The following TMEM132D variants were observed in gnomAD, a reference collection of about 807,000 sequenced individuals.
TMEM132D encodes the protein transmembrane protein 132D, also known as mature OL transmembrane protein.
A neutral mutation model predicts 62.3 loss-of-function variants in TMEM132D; 21 were observed. The ratio of observed to expected loss-of-function variants is 0.34; its 90% CI spans 0.24 to 0.49. The LOEUF is 0.49. Ranked by LOEUF, TMEM132D falls within the 20% of genes least tolerant of loss-of-function variation. The probability of loss-of-function intolerance (pLI) is 0.99; values close to 1 mark genes in which losing one functional copy is unlikely to be tolerated. For synonymous variants in TMEM132D, 621 were observed against 575.6 expected, an observed-to-expected ratio of 1.08 and a Z score of -1.13; for missense variants, 1,346 against 1,402.8, an observed-to-expected ratio of 0.96 and a Z score of 0.65.
At chr12:129,603,868 A>C (rs1329834508) in intron 2 of TMEM132D, among the ~76,000 whole-genome samples, 1 of 152,206 alleles carries the variant, frequency 6.6e-6, no homozygotes. Context: ...ACACATGCAC[A>C]CATATATTTA....
intron 5 of TMEM132D, among the ~76,000 whole-genome samples, chr12:129,200,642 C>T (rs1878677539): frequency 1.3e-5 from 2 of 152,202 alleles, no homozygotes; most frequent in African/African-American, 4.8e-5. Context: ...AAACTGCCTC[C>T]TGGGGGCTGT....
At chr12:129,560,273 T>TC (rs1185726082) in intron 2 of TMEM132D, among the ~76,000 whole-genome samples, 1 of 139,602 alleles carries the variant, frequency 7.2e-6, no homozygotes, top group Non-Finnish European at 1.6e-5. Context: ...TTGTTTTCTT[T>TC]TTTTTTTTTT....
At chr12:129,441,188 A>C (rs150351036) in intron 3 of TMEM132D, among the ~76,000 whole-genome samples, 1 of 152,224 alleles carries the variant, frequency 6.6e-6, no homozygotes, top group African/African-American at 2.4e-5. Context: ...AAAAACTTCC[A>C]AACAACCTCT....
At chr12:129,394,688 C>T (rs540844974) in intron 3 of TMEM132D, among the ~76,000 whole-genome samples, 49 of 152,324 alleles carry the variant, frequency 3.2e-4, no homozygotes, top group Admixed American at 3.1e-3. Flanking sequence ...ACAATGCCCA[C>T]AAATGAAATT....
chr12:129,426,388 A>G lies in TMEM132D; in HGVS notation c.1116-88571T>C, dbSNP rs573665749. ...CACACCTAGGAGCAAGGAGGCTCAG[A>G]AATAAATCAGTTTAAATGCCTATTA... On this transcript the variant is annotated intron_variant, in intron 3 of 8. Transcript: ENST00000422113. Among the ~76,000 whole-genome samples the G allele has an allele frequency of 2.5e-4, 38 of 152,354 alleles. No homozygotes were observed. The South Asian group carries it at 4.3e-3, about 17-fold the overall frequency.
chr12:129,365,922 T>C (rs1232449146), intron 3 of TMEM132D, among the ~76,000 whole-genome samples: 1 of 152,008 alleles, frequency 6.6e-6, no homozygotes, highest in East Asian at 1.9e-4. Context: ...CCCCCTGCAA[T>C]GTCCACCCAG....
intron 2 of TMEM132D, among the ~76,000 whole-genome samples, chr12:129,593,377 C>A (rs1543046): frequency 0.63 from 95,992 of 151,998 alleles, 32,741 homozygotes; most frequent in East Asian, 0.99. Flanking sequence ...TTGTACTATA[C>A]AAATTCTATT....
At chr12:129,293,628 G>T (rs1200961741) in intron 4 of TMEM132D, among the ~76,000 whole-genome samples, 6 of 152,154 alleles carry the variant, frequency 3.9e-5, no homozygotes, top group Admixed American at 2.0e-4. Flanking sequence ...GTCCCATCTG[G>T]GGGTGATGGA....
chr12:129,603,323 T>C (rs1438758672), intron 2 of TMEM132D, among the ~76,000 whole-genome samples: 2 of 152,216 alleles, frequency 1.3e-5, no homozygotes, highest in Non-Finnish European at 2.9e-5. Flanking sequence ...ACCCAATTCC[T>C]GGAAACCACT....
At chr12:129,467,373 C>T (rs539038100) in intron 3 of TMEM132D, among the ~76,000 whole-genome samples, 1 of 152,134 alleles carries the variant, frequency 6.6e-6, no homozygotes, top group Non-Finnish European at 1.5e-5. Flanking sequence ...TAAGAGAAAC[C>T]AGTTCCAGGT....
intron 2 of TMEM132D, among the ~76,000 whole-genome samples, chr12:129,531,673 G>A (rs962460489): frequency 2.0e-5 from 3 of 152,154 alleles, no homozygotes; most frequent in Admixed American, 6.5e-5. Flanking sequence ...TCCTAGCAAG[G>A]TTCCAAGCCC....
At chr12:129,828,756 A>G (rs1329623287) in intron 1 of TMEM132D, among the ~76,000 whole-genome samples, 4 of 7,422 alleles carry the variant, frequency 5.4e-4, no homozygotes, top group Non-Finnish European at 1.4e-3. Context: ...GGGAGGGAGG[A>G]AAGGAGGGAG....
intron 2 of TMEM132D, among the ~76,000 whole-genome samples, chr12:129,595,485 C>A (rs992790596): frequency 1.3e-5 from 2 of 152,234 alleles, no homozygotes; most frequent in Non-Finnish European, 2.9e-5. Context: ...TCAGTACCCA[C>A]AACCCTTGCT....
chr12:129,845,745 T>C (rs898292677), intron 1 of TMEM132D, among the ~76,000 whole-genome samples: 3 of 152,176 alleles, frequency 2.0e-5, no homozygotes, highest in African/African-American at 7.2e-5. Context: ...GGAGGGTTCT[T>C]GGCATTGCCC....
chr12:129,496,120 C>T (rs1281548406), intron 3 of TMEM132D, among the ~76,000 whole-genome samples: 4 of 152,040 alleles, frequency 2.6e-5, no homozygotes, highest in Non-Finnish European at 4.4e-5. Context: ...AGTGGAGTAC[C>T]GGATGTAACA....
At chr12:129,404,066 G>A (rs1871698610) in intron 3 of TMEM132D, among the ~76,000 whole-genome samples, 1 of 152,114 alleles carries the variant, frequency 6.6e-6, no homozygotes, top group Admixed American at 6.6e-5. Context: ...AGAAAGACTT[G>A]AGGTTTTACT....
At chr12:129,576,904 C>T (rs945944029) in intron 2 of TMEM132D, among the ~76,000 whole-genome samples, 3 of 151,840 alleles carry the variant, frequency 2.0e-5, no homozygotes, top group African/African-American at 4.9e-5. Context: ...CAGTATTTAT[C>T]GATACTGTAC....
chr12:129,120,429 T>C lies in TMEM132D; in HGVS notation c.1444-35727A>G, dbSNP rs562128472. Among the ~76,000 whole-genome samples the C allele has an allele frequency of 3.9e-5, 6 of 152,270 alleles. No individual in the cohort carries two copies. In the East Asian group the frequency reaches 1.2e-3, roughly 29 times the overall value. ...CACAGGGATGTTCTTACTGGGAAAG[T>C]GTAAGTCCAGTCTAATCATGAGAAA... On this transcript the variant is annotated intron_variant, in intron 5 of 8. Coordinates refer to ENST00000422113, the MANE Select transcript of TMEM132D (RefSeq NM_133448.3).
chr12:129,648,565 G>A (rs1879845997), intron 2 of TMEM132D, among the ~76,000 whole-genome samples: 1 of 152,190 alleles, frequency 6.6e-6, no homozygotes. Flanking sequence ...TCAAGGCAAA[G>A]CCTGTTTTAT....
Sources: allele counts gnomAD v4.1 joint callset (sites outside exome capture counted in the v4.1 genomes callset), GRCh38; gene constraint gnomAD v4.1.1; transcripts MANE v1.5; gene names NCBI Gene and HGNC (gene_info 2026-07-23, HGNC 2026-07-21).